The following PHIP variants were observed in gnomAD, a reference collection of about 807,000 sequenced individuals.
PHIP encodes PH-interacting protein.
In PHIP, 54 loss-of-function variants were observed where a neutral mutation model predicts 236.8. The observed-to-expected ratio is 0.23, with a 90% CI of 0.18 to 0.29. The LOEUF is 0.29. Among genes scored for constraint, PHIP ranks in the 10% least tolerant of loss-of-function variants. PHIP has a pLI of 1.00. For synonymous variants in PHIP, 756 were observed against 718.9 expected (o/e 1.05, Z -0.83); for missense variants, 1,370 against 2,190.8 (o/e 0.63, Z 7.48).
At chr6:79,070,634 G>C (rs1319950045) in intron 4 of PHIP, among the ~76,000 whole-genome samples, 1 of 152,154 alleles carries the variant, frequency 6.6e-6, no homozygotes, top group African/African-American at 2.4e-5. Flanking sequence ...CTGGAGTCCA[G>C]AACACAGTCA....
Position 79,025,601 on chromosome 6 carries a change from C to A in PHIP, c.841G>T (p.Gly281Cys). 6.2e-7 allele frequency: 1 copy of A among 1,607,402 alleles called. No individual in the cohort carries two copies. The highest frequency in any genetic ancestry group is 8.5e-7 in the Non-Finnish European group (1 of 1,174,160). Residue 281 changes from glycine (G) to cysteine (C), a missense_variant, in exon 9 of 40, where the codon GGC becomes TGC. Gly to Cys is a radical substitution (Grantham distance 159). This residue lies in a region of PHIP where 188 missense variants were observed against 354.3 expected (regional missense o/e 0.53). Transcript: ENST00000275034. The part of the protein sequence containing the change: ...TSLQFSPLCS[G>C]SKRYLSSTGA... ...GTAGAAGATAGATATCTCTTTGAGC[C>A]ACTGCACAATGGTGAGAACTGAAAA...
At chr6:78,960,901 AAAG>A (rs560013534) in intron 31 of PHIP, among the ~76,000 whole-genome samples, 2 of 152,172 alleles carry the variant, frequency 1.3e-5, no homozygotes, top group Non-Finnish European at 2.9e-5. Flanking sequence ...TCTATGTTAA[AAAG>A]AAGAATAACG....
chr6:78,981,713 G>C (rs977330687), intron 23 of PHIP, among the ~76,000 whole-genome samples: 1 of 151,930 alleles, frequency 6.6e-6, no homozygotes, highest in Non-Finnish European at 1.5e-5. Context: ...AGATGAAAAA[G>C]AATATTTACC....
At chr6:79,016,788 T>G in intron 12 of PHIP, 146 bp from the exon 13 acceptor site, 1 of 512,026 alleles carries the variant, frequency 2.0e-6, no homozygotes, top group Non-Finnish European at 3.5e-6. Context: ...ATGGGCTTTT[T>G]AGAATTTTAT....
chr6:79,059,483 G>A (rs992135967), intron 6 of PHIP, among the ~76,000 whole-genome samples: 5 of 150,848 alleles, frequency 3.3e-5, no homozygotes, highest in South Asian at 2.1e-4. Flanking sequence ...ATATGTAAAT[G>A]ACTAAATGTT....
At chr6:79,046,035 C>T (rs1302770489) in intron 6 of PHIP, among the ~76,000 whole-genome samples, 1 of 152,146 alleles carries the variant, frequency 6.6e-6, no homozygotes, top group African/African-American at 2.4e-5. Context: ...CTGCAATGCT[C>T]TTCATTTCAT....
At chr6:79,024,457 A>T (rs1269550521) in intron 9 of PHIP, among the ~76,000 whole-genome samples, 3 of 152,148 alleles carry the variant, frequency 2.0e-5, no homozygotes, top group African/African-American at 7.2e-5. Context: ...TTGTTCAAAG[A>T]CTATCCATGG....
intron 7 of PHIP, among the ~76,000 whole-genome samples, chr6:79,027,435 C>A (rs1399710675): frequency 1.3e-5 from 2 of 152,136 alleles, no homozygotes; most frequent in Admixed American, 6.5e-5. Flanking sequence ...TCACCTCAGG[C>A]TCTTCATCTA....
intron 17 of PHIP, among the ~76,000 whole-genome samples, chr6:79,000,711 G>C (rs573314057): frequency 3.6e-4 from 55 of 151,868 alleles, no homozygotes; most frequent in Non-Finnish European, 6.8e-4. Context: ...CTCTAATACT[G>C]AAACTTATCT....
chr6:78,971,947 G>A (rs1487457623), intron 24 of PHIP, among the ~76,000 whole-genome samples: 1 of 152,088 alleles, frequency 6.6e-6, no homozygotes, highest in South Asian at 2.1e-4. Context: ...AGCGAGGCTG[G>A]GGGAGGGGCG....
intron 38 of PHIP, chr6:78,945,704 C>T: frequency 1.7e-6 from 1 of 603,358 alleles, no homozygotes; most frequent in Admixed American, 2.6e-5. Context: ...GCTGTCCCAT[C>T]ATTTCAAAAT....
rs1232517177 is a variant in PHIP, at chr6:78,939,545, A to T, written c.*1148T>A. 1 of 151,882 alleles carries T rather than the reference A, an allele frequency of 6.6e-6. No individual in the cohort carries two copies. The highest frequency in any genetic ancestry group is 1.5e-5 in the Non-Finnish European group (1 of 67,792). 9.4% of individuals were successfully genotyped at this position (151,882 alleles called of 1,614,324 possible). A position where few individuals can be genotyped will look rare whatever the true frequency, so the allele number is the denominator to read the frequency against. On this transcript the variant is annotated 3_prime_UTR_variant, in exon 40 of 40. Coordinates refer to ENST00000275034, the MANE Select transcript of PHIP (RefSeq NM_017934.7). ...TTCTACTGCTATCTAAAAAATCCTG[A>T]AAAAAGAATTTATACCTGGGTAATA...
At chr6:79,045,816 T>C (rs1010653420) in intron 6 of PHIP, among the ~76,000 whole-genome samples, 3 of 152,200 alleles carry the variant, frequency 2.0e-5, no homozygotes, top group Admixed American at 6.5e-5. Flanking sequence ...TCAAGAAGCA[T>C]ATATGACTTT....
Position 79,019,311 on chromosome 6 carries a change from TA to T in PHIP, c.924-153del, listed in dbSNP as rs1582232468. ...ACAACTTAGAAATCATTATGTGTCA[TA>T]AATCAGAAGATCTTGTAGAAATTCT... On this transcript the variant is annotated intron_variant, in intron 9 of 39. Coordinates refer to ENST00000275034, the MANE Select transcript of PHIP (RefSeq NM_017934.7). 4.7e-5 allele frequency: 28 copies of T among 596,572 alleles called. No individual in the cohort carries two copies. The East Asian group carries it at 7.7e-4, about 16-fold the overall frequency. The allele number at this position is 596,572 out of a possible 1,614,324, so 37.0% of individuals were successfully genotyped here.
At chr6:79,042,550 C>T (rs1772276087) in intron 7 of PHIP, among the ~76,000 whole-genome samples, 1 of 151,904 alleles carries the variant, frequency 6.6e-6, no homozygotes, top group South Asian at 2.1e-4. Flanking sequence ...TTATTTTATG[C>T]CATTTTGCAA....
At chr6:78,958,284 A>G (rs1257335539) in intron 32 of PHIP, 191 bp downstream of exon 32, 3 of 425,744 alleles carry the variant, frequency 7.0e-6, no homozygotes, top group Non-Finnish European at 1.3e-5. Context: ...TTAGCCAATG[A>G]ACTGTTTCTT....
intron 10 of PHIP, among the ~76,000 whole-genome samples, chr6:79,018,259 C>A (rs1459480811): frequency 6.6e-6 from 1 of 151,818 alleles, no homozygotes; most frequent in Admixed American, 6.6e-5. Context: ...ATGTATGATG[C>A]CTATATTTGT....
intron 6 of PHIP, among the ~76,000 whole-genome samples, chr6:79,059,084 A>T (rs1008256079): frequency 3.9e-5 from 6 of 152,112 alleles, no homozygotes; most frequent in African/African-American, 9.6e-5. Flanking sequence ...AAAATCATAG[A>T]TGATTACCCA....
chr6:79,033,313 C>T (rs1760191543), intron 7 of PHIP, among the ~76,000 whole-genome samples: 1 of 152,166 alleles, frequency 6.6e-6, no homozygotes, highest in Non-Finnish European at 1.5e-5. Flanking sequence ...TGAAGCCAGG[C>T]ATTGACTTCT....
Sources: allele counts gnomAD v4.1 joint callset (sites outside exome capture counted in the v4.1 genomes callset), GRCh38; gene constraint gnomAD v4.1.1; regional missense constraint gnomAD v4.1.1; transcripts MANE v1.5; gene names NCBI Gene and HGNC (gene_info 2026-07-23, HGNC 2026-07-21).